Variants in CDCA7L observed in about 807,000 individuals in gnomAD.
CDCA7L encodes cell division cycle-associated 7-like protein.
In CDCA7L, 44 loss-of-function variants were observed where a neutral mutation model predicts 57.4. That is an observed-to-expected ratio of 0.77 (90% CI 0.60 to 0.98). CDCA7L has a LOEUF of 0.98. Ranked by LOEUF, CDCA7L falls within the 50% of genes least tolerant of loss-of-function variation. CDCA7L has a pLI of 0.00. For missense variants in CDCA7L, 644 were observed against 580.6 expected (o/e 1.11, Z -1.12); for synonymous variants, 236 against 202.8 (o/e 1.16, Z -1.39).
chr7:21,943,254 AAC>A (rs1426200765), intron 1 of CDCA7L, among the ~76,000 whole-genome samples: 1 of 152,250 alleles, frequency 6.6e-6, no homozygotes, highest in Non-Finnish European at 1.5e-5. Flanking sequence ...CATCAAATCC[AAC>A]ACACTGGTGG....
chr7:21,939,963 CAAAAAAA>C (rs3062638), intron 1 of CDCA7L, among the ~76,000 whole-genome samples: 3 of 115,842 alleles, frequency 2.6e-5, no homozygotes, highest in Non-Finnish European at 1.7e-5. Context: ...AGCTTCAAAC[CAAAAAAA>C]AAAAAAAAAA....
rs562635860 is a variant in CDCA7L at position 21,901,126 on chromosome 7, A to G, written c.*1196T>C. On this transcript the variant is annotated 3_prime_UTR_variant, in exon 10 of 10. Coordinates refer to ENST00000406877, the MANE Select transcript of CDCA7L (RefSeq NM_018719.5). ...CGTGGACAGACAAGAAACCAAACAG[A>G]CCTACGAGTGCCCTGTGTATAGAAC... is the stretch of plus-strand genomic sequence containing the variant. The G allele has an allele frequency of 3.7e-6, 6 of 1,613,256 alleles. No homozygotes were observed. The highest frequency in any genetic ancestry group is 1.6e-4 in the Middle Eastern group (1 of 6,062).
intron 1 of CDCA7L, among the ~76,000 whole-genome samples, chr7:21,922,559 G>T (rs1047743618): frequency 6.6e-6 from 1 of 152,150 alleles, no homozygotes; most frequent in African/African-American, 2.4e-5. Flanking sequence ...GAACATGCAC[G>T]GTGGAACTCA....
rs1390073508 is a variant in CDCA7L at position 21,910,998 on chromosome 7, TTGAGA to T, written c.303+614_303+618del. Reference sequence around the variant, plus strand: ...TAGATAAAAGAGGTTTAAGGAACTCTTGAGATAATTTTTTTTTTTTTTTTTTTTTT... The same window carrying T: ...TAGATAAAAGAGGTTTAAGGAACTCTTAATTTTTTTTTTTTTTTTTTTTTT... On this transcript the variant is annotated intron_variant, in intron 3 of 9. Coordinates refer to ENST00000406877, the MANE Select transcript of CDCA7L (RefSeq NM_018719.5). 3.2e-4 allele frequency among the ~76,000 whole-genome samples: 47 copies of T among 148,164 alleles called. 1 individual carries two copies. The highest frequency in any genetic ancestry group is 3.5e-3 in the Middle Eastern group (1 of 286).
At chr7:21,905,422 C>T (rs1016623564) in intron 7 of CDCA7L, 84 bp downstream of exon 7, 2 of 1,456,024 alleles carry the variant, frequency 1.4e-6, no homozygotes, top group African/African-American at 2.8e-5. Flanking sequence ...ATGGCATAAG[C>T]CCTGATAGAG....
chr7:21,921,658 C>A (rs1785658108), intron 1 of CDCA7L, among the ~76,000 whole-genome samples: 1 of 150,076 alleles, frequency 6.7e-6, no homozygotes, highest in Non-Finnish European at 1.5e-5. Context: ...TAAGACTCAC[C>A]AAAAAGAAAA....
At chr7:21,916,649 A>T in intron 2 of CDCA7L, 105 bp downstream of exon 2, 1 of 1,046,080 alleles carries the variant, frequency 9.6e-7, no homozygotes, top group Non-Finnish European at 1.4e-6. Flanking sequence ...ATGCTAGACA[A>T]TGAACTGATA....
chr7:21,942,045 G>A (rs563818963), intron 1 of CDCA7L, among the ~76,000 whole-genome samples: 3 of 151,526 alleles, frequency 2.0e-5, no homozygotes, highest in African/African-American at 4.8e-5. Flanking sequence ...GGAAAGAGGC[G>A]TGTTTTCTGT....
chr7:21,904,362 C>T (rs989912172), intron 7 of CDCA7L, 103 bp from the exon 8 acceptor site: 95 of 1,149,564 alleles, frequency 8.3e-5, no homozygotes, highest in Middle Eastern at 4.1e-4. Flanking sequence ...GAAATACCCC[C>T]GTCTCCTCGA....
intron 1 of CDCA7L, among the ~76,000 whole-genome samples, chr7:21,942,053 T>C (rs1053141181): frequency 6.6e-6 from 1 of 151,338 alleles, no homozygotes; most frequent in Non-Finnish European, 1.5e-5. Context: ...GCGTGTTTTC[T>C]GTGTCTTTGT....
At position 21,903,110 on chromosome 7, in the gene CDCA7L, C is replaced by G. The variant is rs368980248; in HGVS notation, c.1202G>C (p.Trp401Ser). 1 of 1,613,232 alleles carries G rather than the reference C, an allele frequency of 6.2e-7. No homozygotes were observed. Among genetic ancestry groups the G allele is most frequent in the African/African-American group, 1.3e-5 (1 of 74,908 alleles). ...GATCCCACGACAGGGGGGACACACC[C>G]AATCCTAACAGAGAGATGACAGCAG... ...DVRSALLDPD[W>S]VCPPCRGICN... The change falls in exon 9 of 10, where the codon TGG (tryptophan) becomes TCG (serine). Residue 401 changes from tryptophan (W) to serine (S), a missense_variant. By Grantham distance (177) the Trp-to-Ser change is radical (BLOSUM62 -3). Coordinates refer to ENST00000406877, the MANE Select transcript of CDCA7L (RefSeq NM_018719.5).
At chr7:21,937,844 C>A (rs1278927760) in intron 1 of CDCA7L, among the ~76,000 whole-genome samples, 4 of 152,006 alleles carry the variant, frequency 2.6e-5, no homozygotes, top group African/African-American at 9.7e-5. Context: ...AGAATAATGG[C>A]AAAGAACAGT....
rs74997026 is a variant in CDCA7L at position 21,906,559 on chromosome 7, T to A, written c.753+9A>T. The A allele has an allele frequency of 0.048, 76,934 of 1,613,888 alleles. 2,198 individuals are homozygous for A. Among genetic ancestry groups the A allele is most frequent in the Middle Eastern group, 0.061 (369 of 6,056 alleles). ...CAGTATTGGTATAATTATAAGGAGTTCTACTTACAGAAGCTGAGGTTGGGG... is the reference window on the plus strand; with the variant it reads ...CAGTATTGGTATAATTATAAGGAGTACTACTTACAGAAGCTGAGGTTGGGG... On this transcript the variant is annotated intron_variant, in intron 5 of 9. Transcript: ENST00000406877.
In CDCA7L at chr7:21,903,227, G is replaced by GGCATCTTTCAGTCTACGTCCCA. The variant is rs1394896201; in HGVS notation, c.1198-135_1198-114dup. The stretch of plus-strand genomic sequence containing the variant: ...CCTCTCCTCCAACCTTTAATCACAT[G>GGCATCTTTCAGTCTACGTCCCA]GCATCTTTCAGTCTACGTCCCAGGG... On this transcript the variant is annotated intron_variant, in intron 8 of 9. Transcript: ENST00000406877. 88 of 1,004,274 alleles carry GGCATCTTTCAGTCTACGTCCCA rather than the reference G, an allele frequency of 8.8e-5. No homozygotes were observed. The East Asian group carries it at 2.3e-3, about 26-fold the overall frequency. The allele number at this position is 1,004,274 out of a possible 1,614,324, so 62.2% of individuals were successfully genotyped here. A position where few individuals can be genotyped will look rare whatever the true frequency, so the allele number is the denominator to read the frequency against.
At chr7:21,911,880 C>A in intron 2 of CDCA7L, 126 bp from the exon 3 acceptor site, 1 of 736,872 alleles carries the variant, frequency 1.4e-6, no homozygotes, top group Non-Finnish European at 2.2e-6. Flanking sequence ...GGATGGACAA[C>A]AATGTGAATG....
intron 3 of CDCA7L, among the ~76,000 whole-genome samples, chr7:21,911,327 AAG>A (rs901668088): frequency 2.0e-5 from 3 of 151,934 alleles, no homozygotes; most frequent in Middle Eastern, 3.2e-3. Context: ...GTGCCTGGCC[AAG>A]AGAGATAAAT....
rs199706799 is a variant in CDCA7L at position 21,901,080 on chromosome 7, C to T, written c.*1242G>A. 9.0e-5 allele frequency: 145 copies of T among 1,613,938 alleles called. No homozygotes were observed. In the Middle Eastern group the frequency reaches 1.3e-3, roughly 15 times the overall value. On this transcript the variant is annotated 3_prime_UTR_variant, in exon 10 of 10. Coordinates refer to ENST00000406877, the MANE Select transcript of CDCA7L (RefSeq NM_018719.5). Reference sequence around the variant, plus strand: ...AGGAGCTGGCATGCCCTATGCCGGTCATCTTTGCAAAAGCCACCCCCGTGG... The same window carrying T: ...AGGAGCTGGCATGCCCTATGCCGGTTATCTTTGCAAAAGCCACCCCCGTGG...
chr7:21,928,370 A>G (rs1562632955), intron 1 of CDCA7L, among the ~76,000 whole-genome samples: 1 of 152,168 alleles, frequency 6.6e-6, no homozygotes, highest in African/African-American at 2.4e-5. Flanking sequence ...AAAAGGCTGA[A>G]AATTCCAAAA....
chr7:21,906,189 A>T, intron 6 of CDCA7L, 100 bp downstream of exon 6: 1 of 1,170,990 alleles, frequency 8.5e-7, no homozygotes, highest in Non-Finnish European at 1.2e-6. Flanking sequence ...CCGCAGACCC[A>T]CGGGGTCAGA....
Sources: allele counts gnomAD v4.1 joint callset (sites outside exome capture counted in the v4.1 genomes callset), GRCh38; gene constraint gnomAD v4.1.1; transcripts MANE v1.5; gene names NCBI Gene and HGNC (gene_info 2026-07-23, HGNC 2026-07-21).